PRKCQ: variants seen among roughly 807,000 people sequenced by gnomAD.
The protein encoded by PRKCQ is protein kinase C theta type.
In PRKCQ, 41 loss-of-function variants were observed where a neutral mutation model predicts 91.2. The ratio of observed to expected loss-of-function variants is 0.45; its 90% CI spans 0.35 to 0.58. PRKCQ has a LOEUF of 0.58. Among genes scored for constraint, PRKCQ ranks in the 20% least tolerant of loss-of-function variants. The probability of loss-of-function intolerance (pLI) is 0.00; values close to 1 mark genes in which losing one functional copy is unlikely to be tolerated. For missense variants in PRKCQ, 673 were observed against 896.5 expected (o/e 0.75, Z 3.18); for synonymous variants, 307 against 316.9 (o/e 0.97, Z 0.33).
At chr10:6,512,762 T>C (rs116011775) in intron 2 of PRKCQ, among the ~76,000 whole-genome samples, 291 of 152,136 alleles carry the variant, frequency 1.9e-3, no homozygotes, top group African/African-American at 6.6e-3. Context: ...TTCGGGGGTA[T>C]ACAAGGAGTT....
intron 1 of PRKCQ, among the ~76,000 whole-genome samples, chr10:6,568,470 C>A (rs1840913329): frequency 6.7e-6 from 1 of 149,116 alleles, no homozygotes; most frequent in Non-Finnish European, 1.5e-5. Flanking sequence ...TTAATATTAT[C>A]TTTTATTTCC....
chr10:6,522,348 A>C (rs1384701064), intron 1 of PRKCQ, among the ~76,000 whole-genome samples: 6 of 152,206 alleles, frequency 3.9e-5, no homozygotes, highest in African/African-American at 7.2e-5. Flanking sequence ...ATGCAGGTAC[A>C]TGATCAAGTA....
intron 1 of PRKCQ, among the ~76,000 whole-genome samples, chr10:6,522,343 G>A (rs368500562): frequency 1.4e-4 from 22 of 152,290 alleles, no homozygotes; most frequent in African/African-American, 4.8e-4. Flanking sequence ...CTTCGATGCA[G>A]GTACATGATC....
At chr10:6,510,573 A>C (rs1010801392) in intron 3 of PRKCQ, among the ~76,000 whole-genome samples, 2 of 152,218 alleles carry the variant, frequency 1.3e-5, no homozygotes, top group Non-Finnish European at 2.9e-5. Context: ...TTTCTAAGTT[A>C]AAAAGCATTA....
intron 14 of PRKCQ, among the ~76,000 whole-genome samples, chr10:6,461,041 T>G (rs1363260304): frequency 6.6e-6 from 1 of 151,710 alleles, no homozygotes. Flanking sequence ...CATCCATTCA[T>G]CCATCCATCC....
At chr10:6,571,296 G>A (rs960166436) in intron 1 of PRKCQ, among the ~76,000 whole-genome samples, 4 of 152,288 alleles carry the variant, frequency 2.6e-5, no homozygotes, top group South Asian at 2.1e-4. Context: ...ATCACCAGGC[G>A]GTCCTTCCCC....
chr10:6,465,339 A>G lies in PRKCQ; in HGVS notation c.1354-935T>C, dbSNP rs1835591812. ...CGGAGTTCTTCTGGCAGAGGACATG[A>G]TGTATGTCAGTAGAGCTGGGGCCCT... On this transcript the variant is annotated intron_variant, in intron 12 of 17. Coordinates refer to ENST00000263125, the MANE Select transcript of PRKCQ (RefSeq NM_006257.5). This position sits in a 1 kb window ranked among gnomAD's most constrained non-coding sequence, Gnocchi z 4.4. 6.6e-6 allele frequency among the ~76,000 whole-genome samples: 1 copy of G among 152,134 alleles called. No individual in the cohort carries two copies. Among genetic ancestry groups the G allele is most frequent in the African/African-American group, 2.4e-5 (1 of 41,424 alleles).
intron 4 of PRKCQ, among the ~76,000 whole-genome samples, chr10:6,507,070 TG>T (rs1406005447): frequency 6.6e-6 from 1 of 152,254 alleles, no homozygotes; most frequent in African/African-American, 2.4e-5. Context: ...ACTGATAATA[TG>T]GTAGCTTCTT....
At chr10:6,422,849 T>C (rs1390225919), downstream of PRKCQ, among the ~76,000 whole-genome samples, 1 of 152,298 alleles carries the variant, frequency 6.6e-6, no homozygotes, top group East Asian at 1.9e-4. Context: ...CCTGTCCTCA[T>C]GGTGAGACAT....
intron 16 of PRKCQ, among the ~76,000 whole-genome samples, chr10:6,431,741 C>G (rs1392667544): frequency 6.6e-6 from 1 of 150,958 alleles, no homozygotes; most frequent in Non-Finnish European, 1.5e-5. Flanking sequence ...TAGTCCCAGA[C>G]AGTCAGCTTT....
Position 6,479,094 on chromosome 10 carries a change from C to T in PRKCQ, c.1251G>A (p.Leu417=). The part of the protein sequence containing the change: ...AIKALKKDVV[L]MDDDVECTMV... ...TCGTGCACTCAACATCATCGTCCAT[C>T]AAGACCACATCTTTCTTTAAGGCCT... Residue 417 remains leucine, a synonymous_variant, in exon 12 of 18, where the codon TTG becomes TTA. Coordinates refer to ENST00000263125, the MANE Select transcript of PRKCQ (RefSeq NM_006257.5). 1 of 1,614,208 alleles carries T rather than the reference C, an allele frequency of 6.2e-7. No homozygotes were observed. Among genetic ancestry groups the T allele is most frequent in the Non-Finnish European group, 8.5e-7 (1 of 1,180,038 alleles).
chr10:6,460,222 C>A (rs988819405), intron 14 of PRKCQ, among the ~76,000 whole-genome samples: 3 of 151,538 alleles, frequency 2.0e-5, no homozygotes, highest in African/African-American at 7.3e-5. Flanking sequence ...AACATAACTT[C>A]CATGCATGGG....
At chr10:6,542,610 C>A (rs1312421039) in intron 1 of PRKCQ, among the ~76,000 whole-genome samples, 2 of 152,318 alleles carry the variant, frequency 1.3e-5, no homozygotes, top group East Asian at 3.9e-4. Flanking sequence ...TCGGGGACAA[C>A]AGCAGAATTG....
At chr10:6,499,176 T>C (rs555545061) in intron 4 of PRKCQ, among the ~76,000 whole-genome samples, 29 of 152,270 alleles carry the variant, frequency 1.9e-4, no homozygotes, top group African/African-American at 7.0e-4. Flanking sequence ...TATTTACCAA[T>C]GTGAAAAAGG....
At chr10:6,480,074 T>C (rs1836512606) in intron 11 of PRKCQ, among the ~76,000 whole-genome samples, 1 of 152,194 alleles carries the variant, frequency 6.6e-6, no homozygotes, top group African/African-American at 2.4e-5. Flanking sequence ...GTTCAAAGGA[T>C]AACTTGCTCA....
chr10:6,437,577 T>A (rs1400545851), intron 16 of PRKCQ, among the ~76,000 whole-genome samples: 1 of 152,250 alleles, frequency 6.6e-6, no homozygotes, highest in Non-Finnish European at 1.5e-5. Context: ...AATGTAGCAA[T>A]TGTAATAGTG....
chr10:6,422,088 C>T, the PRKCQ span, among the ~76,000 whole-genome samples: 1 of 152,048 alleles, frequency 6.6e-6, no homozygotes, highest in Non-Finnish European at 1.5e-5. Flanking sequence ...TTTGATACCC[C>T]CTTTCTTTGT....
At chr10:6,553,119 A>C (rs566288821) in intron 1 of PRKCQ, among the ~76,000 whole-genome samples, 1 of 152,324 alleles carries the variant, frequency 6.6e-6, no homozygotes, top group East Asian at 1.9e-4. Context: ...GTACAGAATG[A>C]GAGTGAAAAG....
intron 4 of PRKCQ, among the ~76,000 whole-genome samples, chr10:6,503,157 G>C (rs1358072079): frequency 6.6e-6 from 1 of 152,232 alleles, no homozygotes; most frequent in Admixed American, 6.5e-5. Flanking sequence ...GCTAGGTAGA[G>C]TTAATGCCAG....
Sources: gnomAD v4.1 joint callset for allele counts (sites outside exome capture counted in the v4.1 genomes callset) on GRCh38, gnomAD v4.1.1 for gene constraint, Gnocchi (gnomAD v3.1) non-coding constraint, MANE v1.5 for transcripts, NCBI Gene and HGNC (gene_info 2026-07-23, HGNC 2026-07-21) for gene names.